EPB41: variants seen among roughly 807,000 people sequenced by gnomAD.
The protein encoded by EPB41 is protein 4.1.
A neutral mutation model predicts 108.0 loss-of-function variants in EPB41; 65 were observed. The ratio of observed to expected loss-of-function variants is 0.60; its 90% CI spans 0.49 to 0.74. The LOEUF is 0.74. EPB41 is among the 30% of genes least tolerant of loss of function. EPB41 has a pLI of 0.00. For synonymous variants in EPB41, 336 were observed against 358.9 expected (o/e 0.94, Z 0.72); for missense variants, 875 against 1,037.0 (o/e 0.84, Z 2.15).
intron 16 of EPB41, among the ~76,000 whole-genome samples, chr1:29,083,967 T>C (rs1657772817): frequency 6.6e-6 from 1 of 152,244 alleles, no homozygotes; most frequent in African/African-American, 2.4e-5. Context: ...ATAATTTAAG[T>C]GACTATGATA....
intron 1 of EPB41, among the ~76,000 whole-genome samples, chr1:28,962,071 T>C (rs2095232402): frequency 6.6e-6 from 1 of 152,160 alleles, no homozygotes; most frequent in African/African-American, 2.4e-5. Context: ...TTTTACTTTT[T>C]TTTTTTGAGA....
chr1:28,896,612 G>A (rs1224862840), intron 1 of EPB41, among the ~76,000 whole-genome samples: 1 of 151,796 alleles, frequency 6.6e-6, no homozygotes, highest in Non-Finnish European at 1.5e-5. Flanking sequence ...CATTCCTAGT[G>A]GAAGGAACAG....
rs1241738201 is a variant in EPB41 at position 28,887,644 on chromosome 1, A to G, written c.-8+434A>G. ...GCAGCGCTGGAGCGGGCTGGCGGCT[A>G]GCAGCGGGAGGGGGCTCCGGGGCCT... On this transcript the variant is annotated intron_variant, in intron 1 of 16. Coordinates refer to the EPB41 transcript ENST00000347529. The surrounding 1 kb of genome is among the most constrained non-coding windows in gnomAD (Gnocchi z 4.9). The G allele has an allele frequency of 1.0e-6, 1 of 985,068 alleles. No individual in the cohort carries two copies. The highest frequency in any genetic ancestry group is 1.2e-6 in the Non-Finnish European group (1 of 829,826). The allele number at this position is 985,068 out of a possible 1,614,324, so 61.0% of individuals were successfully genotyped here.
chr1:28,931,560 G>A (rs374477624), intron 1 of EPB41, among the ~76,000 whole-genome samples: 3 of 144,826 alleles, frequency 2.1e-5, no homozygotes, highest in African/African-American at 7.7e-5. Context: ...ACAAAGTCTC[G>A]CTCTGTTGCC....
chr1:29,043,072 A>G (rs1198393849), intron 11 of EPB41, among the ~76,000 whole-genome samples: 2 of 152,180 alleles, frequency 1.3e-5, no homozygotes, highest in East Asian at 3.8e-4. Flanking sequence ...GAGCACACAA[A>G]CATAGTCTCT....
intron 1 of EPB41, among the ~76,000 whole-genome samples, chr1:28,924,565 C>G (rs2093335573): frequency 6.6e-6 from 1 of 152,052 alleles, no homozygotes; most frequent in Non-Finnish European, 1.5e-5. Flanking sequence ...GCCAGAGTCA[C>G]CTAGCTAAGT....
rs867978461 is a variant in EPB41 at position 29,020,335 on chromosome 1, G to C, written c.1124+1893G>C. Among the ~76,000 whole-genome samples, 3 of 151,900 alleles carry C rather than the reference G, an allele frequency of 2.0e-5. 1 individual carries two copies. In the Middle Eastern group the frequency reaches 0.01, roughly 517 times the overall value. Reference sequence around the variant, plus strand: ...ACCTGCCTCGGCCTCCCAAAGTGCTGGGATTACAGCACTTTTATTTATATT... The same window carrying C: ...ACCTGCCTCGGCCTCCCAAAGTGCTCGGATTACAGCACTTTTATTTATATT... On this transcript the variant is annotated intron_variant, in intron 7 of 20. Transcript: ENST00000343067.
At chr1:28,958,462 G>A (rs545874440) in intron 1 of EPB41, among the ~76,000 whole-genome samples, 1 of 149,414 alleles carries the variant, frequency 6.7e-6, no homozygotes, top group Non-Finnish European at 1.5e-5. Context: ...AAAAAATTGT[G>A]TGTTACCTTT....
intron 2 of EPB41, among the ~76,000 whole-genome samples, chr1:28,990,457 G>C (rs1300604846): frequency 1.3e-5 from 2 of 148,804 alleles, no homozygotes; most frequent in Non-Finnish European, 3.0e-5. Context: ...GTCTCTCTCT[G>C]TCACCCAGAC....
intron 1 of EPB41, among the ~76,000 whole-genome samples, chr1:28,942,160 A>G (rs906283950): frequency 3.3e-5 from 5 of 152,186 alleles, no homozygotes; most frequent in African/African-American, 1.2e-4. Context: ...TTGACACCAG[A>G]TGTGTGGCGT....
chr1:29,064,762 T>C (rs1647058574), intron 15 of EPB41, among the ~76,000 whole-genome samples: 1 of 152,070 alleles, frequency 6.6e-6, no homozygotes, highest in Non-Finnish European at 1.5e-5. Flanking sequence ...AGCTATGGAG[T>C]TGTGATACTT....
intron 17 of EPB41, among the ~76,000 whole-genome samples, chr1:29,104,596 T>C (rs919405340): frequency 6.6e-6 from 1 of 152,008 alleles, no homozygotes; most frequent in African/African-American, 2.4e-5. Flanking sequence ...ATTTTTTTTT[T>C]TTTTCGAGAC....
At position 29,062,682 on chromosome 1, in the gene EPB41, C is replaced by G. The variant is rs1443907621; in HGVS notation, c.2007+2198C>G. On this transcript the variant is annotated intron_variant, in intron 15 of 20. Coordinates refer to ENST00000343067, the MANE Select transcript of EPB41 (RefSeq NM_001376013.1). Reference sequence around the variant, plus strand: ...TTTTTTTTTAAGCATCCCTCCTCCCCCTTCTCCTACCCCGCCCCCACTAAT... The same window carrying G: ...TTTTTTTTTAAGCATCCCTCCTCCCGCTTCTCCTACCCCGCCCCCACTAAT... 3.3e-5 allele frequency among the ~76,000 whole-genome samples: 5 copies of G among 151,676 alleles called. No individual in the cohort carries two copies. The East Asian group carries it at 7.8e-4, about 24-fold the overall frequency.
intron 1 of EPB41, among the ~76,000 whole-genome samples, chr1:28,948,650 C>T (rs1056457628): frequency 4.0e-5 from 6 of 151,414 alleles, no homozygotes; most frequent in African/African-American, 7.3e-5. Context: ...ATATTTGATT[C>T]ATTAAAAAGA....
chr1:29,073,842 A>G (rs1652656984), intron 16 of EPB41, among the ~76,000 whole-genome samples: 1 of 152,216 alleles, frequency 6.6e-6, no homozygotes, highest in Non-Finnish European at 1.5e-5. Context: ...ACTGGATATT[A>G]TACATGGAAT....
At chr1:29,002,425 G>C (rs1191010245) in intron 4 of EPB41, among the ~76,000 whole-genome samples, 1 of 151,602 alleles carries the variant, frequency 6.6e-6, no homozygotes, top group Non-Finnish European at 1.5e-5. Flanking sequence ...GCACTTGCCT[G>C]GGTGACAGGG....
intron 16 of EPB41, chr1:29,096,576 A>G (rs1663284531): frequency 1.0e-6 from 1 of 985,606 alleles, no homozygotes; most frequent in South Asian, 4.7e-5. Context: ...GTGGGTAACC[A>G]GTTCCCCACC....
intron 4 of EPB41, among the ~76,000 whole-genome samples, chr1:29,005,649 C>T (rs1023631234): frequency 3.3e-4 from 50 of 152,090 alleles, no homozygotes; most frequent in Non-Finnish European, 2.5e-4. Flanking sequence ...GATGGACACC[C>T]ACATGGATGG....
At chr1:28,982,627 CG>C (rs2149457695) in intron 1 of EPB41, 1 of 1,108,980 alleles carries the variant, frequency 9.0e-7, no homozygotes, top group Non-Finnish European at 1.4e-6. Flanking sequence ...AGCAACCACT[CG>C]GGCCTACAGC....
Sources: gnomAD v4.1 joint callset for allele counts (sites outside exome capture counted in the v4.1 genomes callset) on GRCh38, gnomAD v4.1.1 for gene constraint, Gnocchi (gnomAD v3.1) non-coding constraint, MANE v1.5 for transcripts, NCBI Gene and HGNC (gene_info 2026-07-23, HGNC 2026-07-21) for gene names.